Variants in FCHO2 observed in about 807,000 individuals in gnomAD.
FCHO2 encodes the protein F-BAR domain only protein 2.
Under a neutral mutation model 114.1 loss-of-function variants are expected in FCHO2, and 43 were observed. The observed-to-expected ratio is 0.38, with a 90% CI of 0.30 to 0.49. The LOEUF is 0.49. Ranked by LOEUF, FCHO2 falls within the 20% of genes least tolerant of loss-of-function variation. FCHO2 has a pLI of 0.97. For missense variants in FCHO2, 807 were observed against 950.4 expected, an observed-to-expected ratio of 0.85 and a Z score of 1.98; for synonymous variants, 293 against 315.2, an observed-to-expected ratio of 0.93 and a Z score of 0.75.
chr5:72,983,547 CTT>C (rs35592345), intron 2 of FCHO2, among the ~76,000 whole-genome samples: 3 of 112,904 alleles, frequency 2.7e-5, no homozygotes, highest in African/African-American at 3.3e-5. Flanking sequence ...AGTGACAATA[CTT>C]TTTTTTTTTT....
intron 5 of FCHO2, among the ~76,000 whole-genome samples, chr5:73,005,972 A>G (rs374492312): frequency 6.6e-6 from 1 of 152,172 alleles, no homozygotes; most frequent in East Asian, 1.9e-4. Flanking sequence ...ATAGGTTTAT[A>G]GTTTATAGAT....
chr5:72,976,792 C>A (rs1215248376), intron 2 of FCHO2, among the ~76,000 whole-genome samples: 18 of 150,256 alleles, frequency 1.2e-4, no homozygotes. Context: ...CCCCCAACCC[C>A]CAAACAGGCC....
chr5:73,089,800 A>G lies in FCHO2; in HGVS notation c.*1710A>G, dbSNP rs1743428889. 6.6e-6 allele frequency: 1 copy of G among 152,560 alleles called. No homozygotes were observed. Among genetic ancestry groups the G allele is most frequent in the South Asian group, 2.1e-4 (1 of 4,834 alleles). The allele number at this position is 152,560 out of a possible 1,614,324, so 9.5% of individuals were successfully genotyped here. On this transcript the variant is annotated 3_prime_UTR_variant, in exon 26 of 26. Transcript: ENST00000430046. ...ACAGCAGAAAATCTACTCTTTAGCA[A>G]TATATAACACAGTATATGCTTTTTT... is the stretch of plus-strand genomic sequence containing the variant.
In FCHO2 at chr5:73,058,294, A is replaced by T. The variant is rs1757694194; in HGVS notation, c.1254-139A>T. 5.9e-6 allele frequency: 3 copies of T among 511,182 alleles called. No individual in the cohort carries two copies. In the South Asian group the frequency reaches 1.1e-4, roughly 19 times the overall value. The allele number at this position is 511,182 out of a possible 1,614,324, so 31.7% of individuals were successfully genotyped here. ...CAGAAGTGTTGGGATTACAGGTGTG[A>T]GCCATGGTGCCTGGCCCTAACTTTT... On this transcript the variant is annotated intron_variant, in intron 16 of 25. Coordinates refer to ENST00000430046, the MANE Select transcript of FCHO2 (RefSeq NM_138782.3).
intron 1 of FCHO2, among the ~76,000 whole-genome samples, chr5:72,964,562 A>G (rs112793007): frequency 4.0e-4 from 61 of 152,086 alleles, no homozygotes; most frequent in African/African-American, 1.4e-3. Context: ...TTTGTAAAAT[A>G]TTTTTAGTAG....
intron 24 of FCHO2, among the ~76,000 whole-genome samples, chr5:73,083,901 A>G (rs1743208293): frequency 1.3e-5 from 2 of 151,508 alleles, no homozygotes; most frequent in Non-Finnish European, 2.9e-5. Flanking sequence ...TCAAAAAAAA[A>G]AAAAAAAAAA....
At position 73,089,386 on chromosome 5, in the gene FCHO2, G is replaced by GT. The variant is rs1743413161; in HGVS notation, c.*1301dup. Reference sequence around the variant, plus strand: ...AACAGAAGGAGAAGCACTGCCATTTGTTTTTATTTCAACAATTGGAAAAAT... The same window carrying GT: ...AACAGAAGGAGAAGCACTGCCATTTGTTTTTTATTTCAACAATTGGAAAAAT... On this transcript the variant is annotated 3_prime_UTR_variant, in exon 26 of 26. Transcript: ENST00000430046. 1 of 151,926 alleles carries GT rather than the reference G, an allele frequency of 6.6e-6. No homozygotes were observed. Among genetic ancestry groups the GT allele is most frequent in the South Asian group, 2.1e-4 (1 of 4,824 alleles). The allele number at this position is 151,926 out of a possible 1,614,324, so 9.4% of individuals were successfully genotyped here. A position where few individuals can be genotyped will look rare whatever the true frequency, so the allele number is the denominator to read the frequency against.
chr5:73,028,332 A>T (rs975263270), intron 8 of FCHO2, among the ~76,000 whole-genome samples: 3 of 152,222 alleles, frequency 2.0e-5, no homozygotes, highest in African/African-American at 7.2e-5. Context: ...TTAGAAATTT[A>T]AGCGTACACT....
In FCHO2 at chr5:73,042,561, A is replaced by G. The variant is rs376659059; in HGVS notation, c.939+1246A>G. On this transcript the variant is annotated intron_variant, in intron 11 of 25. Transcript: ENST00000430046. ...TAGTACTTATCCAGAATACAAAAGA[A>G]TACAGAATTCTAATACTGAATAAGA... Among the ~76,000 whole-genome samples the G allele has an allele frequency of 2.9e-4, 44 of 152,346 alleles. No homozygotes were observed. In the East Asian group the frequency reaches 8.3e-3, roughly 29 times the overall value.
intron 8 of FCHO2, among the ~76,000 whole-genome samples, chr5:73,032,286 A>G (rs561948983): frequency 3.1e-4 from 47 of 152,318 alleles, no homozygotes; most frequent in African/African-American, 1.1e-3. Flanking sequence ...CATTATTTCT[A>G]TCTTTAATAG....
intron 1 of FCHO2, among the ~76,000 whole-genome samples, chr5:72,961,541 T>G (rs2548330): frequency 3.3e-5 from 5 of 152,066 alleles, no homozygotes; most frequent in African/African-American, 4.8e-5. Context: ...GGAGTAAATC[T>G]TCTTTTTCTC....
At position 72,988,547 on chromosome 5, in the gene FCHO2, C is replaced by T. The variant is rs72764838; in HGVS notation, c.126-880C>T. On this transcript the variant is annotated intron_variant, in intron 2 of 25. Transcript: ENST00000430046. Reference sequence around the variant, plus strand: ...ATTTAATGGCTGTGGATGTTTTTTACGGAATAAAATCTCATATGCTAAACA... The same window carrying T: ...ATTTAATGGCTGTGGATGTTTTTTATGGAATAAAATCTCATATGCTAAACA... Among the ~76,000 whole-genome samples the T allele has an allele frequency of 1.3e-3, 196 of 152,064 alleles. No homozygotes were observed. In the Middle Eastern group the frequency reaches 0.014, roughly 11 times the overall value.
intron 15 of FCHO2, among the ~76,000 whole-genome samples, 195 bp downstream of exon 15, chr5:73,054,744 TA>T (rs1757503611): frequency 6.6e-6 from 1 of 152,180 alleles, no homozygotes; most frequent in African/African-American, 2.4e-5. Flanking sequence ...AGACATGCTT[TA>T]AACTTCAATA....
intron 8 of FCHO2, among the ~76,000 whole-genome samples, chr5:73,030,045 G>GTTTTT (rs113431803): frequency 1.5e-5 from 2 of 135,260 alleles, no homozygotes; most frequent in Non-Finnish European, 3.2e-5. Context: ...CTTTCTTTTT[G>GTTTTT]TTTTTTTTTT....
intron 2 of FCHO2, among the ~76,000 whole-genome samples, chr5:72,971,701 TTTAA>T (rs1003351309): frequency 3.3e-5 from 5 of 152,204 alleles, no homozygotes; most frequent in African/African-American, 1.2e-4. Flanking sequence ...AGCTCTTGAG[TTTAA>T]TTAGTCCCAT....
chr5:73,046,051 T>C (rs1288733852), intron 11 of FCHO2, among the ~76,000 whole-genome samples: 1 of 152,164 alleles, frequency 6.6e-6, no homozygotes, highest in Non-Finnish European at 1.5e-5. Flanking sequence ...CAGCTGGTTG[T>C]TTATGGTGGT....
At chr5:73,074,893 G>A (rs1213457082) in intron 20 of FCHO2, 40 bp downstream of exon 20, 11 of 1,496,550 alleles carry the variant, frequency 7.4e-6, no homozygotes, top group Non-Finnish European at 1.0e-5. Context: ...GTATGTATGT[G>A]TGTTGGGTGG....
intron 1 of FCHO2, among the ~76,000 whole-genome samples, chr5:72,961,839 C>T (rs533066576): frequency 2.6e-4 from 40 of 152,326 alleles, no homozygotes; most frequent in African/African-American, 9.1e-4. Flanking sequence ...GATCCGCCTG[C>T]CTCGGCCTCC....
At chr5:73,064,815 A>G (rs976062259) in intron 18 of FCHO2, among the ~76,000 whole-genome samples, 6 of 152,032 alleles carry the variant, frequency 3.9e-5, no homozygotes, top group Admixed American at 2.6e-4. Flanking sequence ...AATGCCCCTC[A>G]GTTTTCTATG....
Sources: allele counts gnomAD v4.1 joint callset (sites outside exome capture counted in the v4.1 genomes callset), GRCh38; gene constraint gnomAD v4.1.1; transcripts MANE v1.5; gene names NCBI Gene and HGNC (gene_info 2026-07-23, HGNC 2026-07-21).